MAMDC4: variants seen among roughly 807,000 people sequenced by gnomAD.
The protein encoded by MAMDC4 is apical endosomal glycoprotein.
Under a neutral mutation model 153.3 loss-of-function variants are expected in MAMDC4, and 168 were observed. The observed-to-expected ratio is 1.10, with a 90% CI of 0.97 to 1.25. The LOEUF (loss-of-function observed/expected upper bound fraction) is 1.25, where lower values mean the gene tolerates loss of function less well. Among genes scored for constraint, MAMDC4 ranks in the 50% most tolerant of loss-of-function variants. MAMDC4 has a pLI of 0.00. For missense variants in MAMDC4, 1,701 were observed against 1,542.8 expected, an observed-to-expected ratio of 1.10 and a Z score of -1.72; for synonymous variants, 744 against 651.5, an observed-to-expected ratio of 1.14 and a Z score of -2.16.
In MAMDC4 at chr9:136,855,493, C is replaced by T; in HGVS notation, c.1345C>T (p.Pro449Ser). 1.3e-6 allele frequency: 2 copies of T among 1,599,298 alleles called. No individual in the cohort carries two copies. ...GGCCCCAGCCCCCCAGCCCCTGCCG[C>T]CCAGCTCGCGGCTCCAGGATTCCTG... Reference protein sequence around the residue: ...PRAPAPQPLPPSSRLQDSCKQ... With the variant: ...PRAPAPQPLPSSSRLQDSCKQ... Residue 449 changes from proline (P) to serine (S), a missense_variant, in exon 12 of 27, where the codon CCC becomes TCC. Transcript: ENST00000317446.
In MAMDC4 at chr9:136,860,621, C is replaced by A. The variant is rs759142140; in HGVS notation, c.*18C>A. The A allele has an allele frequency of 6.2e-7, 1 of 1,613,146 alleles. No homozygotes were observed. The highest frequency in any genetic ancestry group is 8.5e-7 in the Non-Finnish European group (1 of 1,179,822). On this transcript the variant is annotated 3_prime_UTR_variant, in exon 27 of 27. Coordinates refer to ENST00000317446, the MANE Select transcript of MAMDC4 (RefSeq NM_206920.3). ...ATCCGTAGACCACCCCAGACAAGGC[C>A]CCGCTTCCTCACGTGACATCCAGCA...
Position 136,858,370 on chromosome 9 carries a change from C to T in MAMDC4, c.2675-30C>T, listed in dbSNP as rs202127536. On this transcript the variant is annotated intron_variant, in intron 21 of 26. Coordinates refer to ENST00000317446, the MANE Select transcript of MAMDC4 (RefSeq NM_206920.3). ...GGTGCCCAGGGCTTGGGCCGTGGGG[C>T]AGCACCACTCACCCACCCATGTCCT... The T allele has an allele frequency of 1.9e-6, 3 of 1,600,346 alleles. No individual in the cohort carries two copies. In the East Asian group the frequency reaches 6.7e-5, roughly 36 times the overall value.
chr9:136,860,019 C>T lies in MAMDC4; in HGVS notation c.3327C>T (p.Asn1109=). 1 of 1,607,998 alleles carries T rather than the reference C, an allele frequency of 6.2e-7. No individual in the cohort carries two copies. Among genetic ancestry groups the T allele is most frequent in the Non-Finnish European group, 8.5e-7 (1 of 1,177,758 alleles). The change falls in exon 26 of 27, where the codon AAC becomes AAT. Residue 1109 remains asparagine, a synonymous_variant. Coordinates refer to ENST00000317446, the MANE Select transcript of MAMDC4 (RefSeq NM_206920.3). ...AGGGGAGCTGCCCCTTCCAGAGCAA[C>T]ACAGAGGCCACAGCCCCTGGCTTTG... The part of the protein sequence containing the change: ...QKKGSCPFQS[N]TEATAPGFDN...
rs758349773 is a variant in MAMDC4 at position 136,854,317 on chromosome 9, TGA to T, written c.780_781del (p.Asn261ProfsTer13). The T allele has an allele frequency of 3.3e-5, 52 of 1,585,326 alleles. No homozygotes were observed. In the African/African-American group the frequency reaches 6.6e-4, roughly 20 times the overall value. Reference sequence around the variant, plus strand: ...AAGACAACTGCGGGGACCTGTCTGATGAGAACCCACTCACCTGTGGTGAGGCC... The same window carrying T: ...AAGACAACTGCGGGGACCTGTCTGATGAACCCACTCACCTGTGGTGAGGCC... ...GEDNCGDLSD[E>X]NPLTCGRHIA... On this transcript the variant is annotated frameshift_variant, in exon 7 of 27. Coordinates refer to ENST00000317446, the MANE Select transcript of MAMDC4 (RefSeq NM_206920.3). LOFTEE classifies it high-confidence loss of function.
chr9:136,860,472 G>T (rs1849072626), intron 26 of MAMDC4, 90 bp from the exon 27 acceptor site: 1 of 1,393,822 alleles, frequency 7.2e-7, no homozygotes, highest in East Asian at 2.5e-5. Flanking sequence ...AGTGAGCGAA[G>T]ATCGTGCCAT....
At position 136,859,002 on chromosome 9, in the gene MAMDC4, C is replaced by CA. The variant is rs1276130109; in HGVS notation, c.2957-2dup. On this transcript the variant is annotated splice_polypyrimidine_tract_variant and splice_region_variant and intron_variant, in intron 23 of 26. Transcript: ENST00000317446. ...GCCTGACACGCCCTGGCCCTGCTCT[C>CA]AGACAAGGGGGAGCTGAAGGTACTG... The CA allele has an allele frequency of 6.6e-7, 1 of 1,519,352 alleles. No individual in the cohort carries two copies. Among genetic ancestry groups the CA allele is most frequent in the African/African-American group, 1.4e-5 (1 of 72,736 alleles). The allele number at this position is 1,519,352 out of a possible 1,614,324, so 94.1% of individuals were successfully genotyped here.
At chr9:136,854,416 G>A (rs1225542329) in intron 7 of MAMDC4, 80 bp downstream of exon 7, 5 of 1,493,682 alleles carry the variant, frequency 3.3e-6, no homozygotes, top group Non-Finnish European at 2.7e-6. Context: ...TCCAGGAGGG[G>A]GTGCCTTGGA....
In MAMDC4 at chr9:136,858,520, T is replaced by C; in HGVS notation, c.2795T>C (p.Val932Ala). The C allele has an allele frequency of 6.3e-7, 1 of 1,595,868 alleles. No individual in the cohort carries two copies. The highest frequency in any genetic ancestry group is 1.3e-5 in the African/African-American group (1 of 74,568). Residue 932 changes from valine (V) to alanine (A), a missense_variant, in exon 22 of 27, where the codon GTG becomes GCG. Coordinates refer to ENST00000317446, the MANE Select transcript of MAMDC4 (RefSeq NM_206920.3). ...ATPSRYPQPP[V>A]DHTLGTEAGH... ...CCCTCTCGTTACCCCCAGCCCCCTG[T>C]GGACCACACCCTGGGCACAGAGGCA...
In MAMDC4 at chr9:136,858,459, G is replaced by A; in HGVS notation, c.2734G>A (p.Gly912Ser). ...GAGCCACCTGGCCTGGCCCGGCCTG[G>A]GCGGATACAGCTGGGACTGGGGCGG... ...GWSHLAWPGL[G>S]GYSWDWGGGA... Residue 912 changes from glycine (G) to serine (S), a missense_variant, in exon 22 of 27, where the codon GGC (glycine) becomes AGC (serine). Physicochemically the swap from Gly to Ser is moderately conservative, Grantham distance 56. Transcript: ENST00000317446. 1 of 1,608,430 alleles carries A rather than the reference G, an allele frequency of 6.2e-7. No individual in the cohort carries two copies. Among genetic ancestry groups the A allele is most frequent in the Non-Finnish European group, 8.5e-7 (1 of 1,179,710 alleles).
chr9:136,859,380 T>G, intron 25 of MAMDC4, 63 bp downstream of exon 25: 8 of 1,434,570 alleles, frequency 5.6e-6, no homozygotes, highest in Non-Finnish European at 6.6e-6. Context: ...GGCTCGGGGT[T>G]TGCCAGGCTT....
chr9:136,855,943 T>C (rs541619675), intron 13 of MAMDC4, 75 bp from the exon 14 acceptor site: 35 of 1,551,044 alleles, frequency 2.3e-5, no homozygotes, highest in Non-Finnish European at 3.0e-5. Context: ...AGAGGGTCTC[T>C]GGACTGGGGA....
intron 14 of MAMDC4, chr9:136,856,490 G>C (rs1339880499): frequency 2.5e-6 from 2 of 785,160 alleles, no homozygotes; most frequent in Non-Finnish European, 4.7e-6. Flanking sequence ...TGGTGGACTT[G>C]GATGGCCCTG....
rs747378999 is a variant in MAMDC4, at chr9:136,858,711, G to C, written c.2822-8G>C. 19 of 1,611,948 alleles carry C rather than the reference G, an allele frequency of 1.2e-5. No individual in the cohort carries two copies. Among genetic ancestry groups the C allele is most frequent in the Non-Finnish European group, 1.5e-5 (18 of 1,179,722 alleles). ...ATCAGCTGGGCATCAGCCTCCTCTT[G>C]TTCCCAGGCCACTTTGCCTTCTTTG... On this transcript the variant is annotated splice_polypyrimidine_tract_variant and splice_region_variant and intron_variant, in intron 22 of 26. Transcript: ENST00000317446.
chr9:136,857,902 C>T (rs1849030454), intron 19 of MAMDC4, 77 bp from the exon 20 acceptor site: 1 of 1,474,014 alleles, frequency 6.8e-7, no homozygotes, highest in Admixed American at 2.5e-5. Context: ...GCCCGCCAGG[C>T]TGGGAGCCTG....
rs45449193 is a variant in MAMDC4, at chr9:136,854,031, G to A, written c.625G>A (p.Ala209Thr). Residue 209 changes from alanine to threonine, a missense_variant, in exon 6 of 27, where the codon GCT becomes ACT. By Grantham distance (58) the Ala-to-Thr change is moderately conservative. Coordinates refer to ENST00000317446, the MANE Select transcript of MAMDC4 (RefSeq NM_206920.3). ...SATRNATHRG[A>T]VALDDLEFWD... ...CACCCGAAATGCCACCCACAGGGGC[G>A]CTGTGGCTCTAGATGACCTAGAGTT... The A allele has an allele frequency of 0.082, 131,637 of 1,612,764 alleles. 6,016 individuals carry two copies. The highest frequency in any genetic ancestry group is 0.091 in the Non-Finnish European group (107,341 of 1,179,846).
intron 1 of MAMDC4, 43 bp downstream of exon 1, chr9:136,852,505 T>C: frequency 6.3e-7 from 1 of 1,595,710 alleles, no homozygotes; most frequent in Non-Finnish European, 8.5e-7. Flanking sequence ...CCAGGGGCCC[T>C]GGCTTCTGAG....
rs972439482 is a variant in MAMDC4, at chr9:136,852,358, T to C, written c.-59T>C. The C allele has an allele frequency of 6.3e-7, 1 of 1,593,760 alleles. No individual in the cohort carries two copies. Among genetic ancestry groups the C allele is most frequent in the Non-Finnish European group, 8.5e-7 (1 of 1,171,152 alleles). On this transcript the variant is annotated 5_prime_UTR_variant, in exon 1 of 27. Transcript: ENST00000317446. ...AGCGTGCGGGGCCAGCGCAGGCTGA[T>C]AACCGCACGGAACTTCCCAGGCACC...
intron 26 of MAMDC4, 78 bp from the exon 27 acceptor site, chr9:136,860,484 G>A (rs973776001): frequency 4.5e-5 from 66 of 1,476,730 alleles, no homozygotes; most frequent in Non-Finnish European, 5.9e-5. Flanking sequence ...TCGTGCCATT[G>A]CACTCCATCC....
chr9:136,855,141 G>A, intron 10 of MAMDC4, 31 bp downstream of exon 10: 2 of 1,564,714 alleles, frequency 1.3e-6, no homozygotes, highest in Non-Finnish European at 1.7e-6. Context: ...GGGGTCTGGG[G>A]AGCCGCACTG....
Sources: gnomAD v4.1 joint callset for allele counts on GRCh38, gnomAD v4.1.1 for gene constraint, MANE v1.5 for transcripts, NCBI Gene and HGNC (gene_info 2026-07-23, HGNC 2026-07-21) for gene names.